ATP6V0A2: variants seen among roughly 807,000 people sequenced by gnomAD.
ATP6V0A2 encodes V-type proton ATPase 116 kDa subunit a 2.
Under a neutral mutation model 104.4 loss-of-function variants are expected in ATP6V0A2, and 58 were observed. The ratio of observed to expected loss-of-function variants is 0.56; its 90% CI spans 0.45 to 0.69. The LOEUF (loss-of-function observed/expected upper bound fraction) is 0.69, where lower values mean the gene tolerates loss of function less well. Ranked by LOEUF, ATP6V0A2 falls within the 30% of genes least tolerant of loss-of-function variation. The pLI, the probability that ATP6V0A2 is intolerant of heterozygous loss-of-function variation, is 0.00. For synonymous variants in ATP6V0A2, 376 were observed against 397.9 expected (o/e 0.95, Z 0.65); for missense variants, 938 against 1,062.9 (o/e 0.88, Z 1.63).
chr12:123,735,049 C>T (rs1342596570), intron 7 of ATP6V0A2, among the ~76,000 whole-genome samples: 3 of 152,046 alleles, frequency 2.0e-5, no homozygotes, highest in East Asian at 1.9e-4. Context: ...GTCATTCCCT[C>T]GTGCAGTCTG....
chr12:123,751,254 A>G, intron 16 of ATP6V0A2, 25 bp downstream of exon 16: 1 of 1,614,116 alleles, frequency 6.2e-7, no homozygotes, highest in Non-Finnish European at 8.5e-7. Flanking sequence ...GGATGCATTT[A>G]CAACTGTGAG....
intron 6 of ATP6V0A2, among the ~76,000 whole-genome samples, chr12:123,729,842 T>C (rs1956483876): frequency 6.6e-6 from 1 of 151,810 alleles, no homozygotes; most frequent in Non-Finnish European, 1.5e-5. Flanking sequence ...TTAGATGGAG[T>C]CTCACCCTGT....
In ATP6V0A2 at chr12:123,737,067, C is replaced by G. The variant is rs1486158713; in HGVS notation, c.834C>G (p.His278Gln). ...CTGTTGTTCTTCCCCAGGTACTGCA[C>G]AAAACCGAGGACTATTTGAGGCAAG... ...TRIQDLYTVL[H>Q]KTEDYLRQVL... Residue 278 changes from histidine (H) to glutamine (Q), a missense_variant, in exon 9 of 20, where the codon CAC (histidine) becomes CAG (glutamine). Transcript: ENST00000330342. The G allele has an allele frequency of 2.5e-6, 4 of 1,614,186 alleles. No individual in the cohort carries two copies. The highest frequency in any genetic ancestry group is 2.7e-5 in the African/African-American group (2 of 75,036).
In ATP6V0A2 at chr12:123,748,696, A is replaced by G. The variant is rs1593915111; in HGVS notation, c.1846A>G (p.Thr616Ala). The change falls in exon 15 of 20, where the codon ACC becomes GCC. Residue 616 changes from threonine to alanine, a missense_variant. Transcript: ENST00000330342. ...CAAGTGGCTGGTTTTTTCAGCAGAA[A>G]CCTCCAGAGTTGCTCCCAGCATTCT... ...FYKWLVFSAE[T>A]SRVAPSILIE... 12 of 1,613,706 alleles carry G rather than the reference A, an allele frequency of 7.4e-6. No homozygotes were observed. Among genetic ancestry groups the G allele is most frequent in the African/African-American group, 1.3e-5 (1 of 74,844 alleles).
chr12:123,742,253 T>A (rs7308398), intron 9 of ATP6V0A2, among the ~76,000 whole-genome samples: 90,440 of 152,078 alleles, frequency 0.59, 27,618 homozygotes, highest in East Asian at 0.95. Flanking sequence ...CCCAGGGAGG[T>A]TCTTTCTGGC....
Position 123,726,169 on chromosome 12 carries a change from A to G in ATP6V0A2, c.433-28A>G, listed in dbSNP as rs143272586. ...AATAAAGTGTCACTTTTAATGAGAC[A>G]CACTTGGTTTCATATGTTTATTTCT... On this transcript the variant is annotated intron_variant, in intron 4 of 19. Coordinates refer to ENST00000330342, the MANE Select transcript of ATP6V0A2 (RefSeq NM_012463.4). The G allele has an allele frequency of 1.3e-4, 201 of 1,520,462 alleles. No individual in the cohort carries two copies. The African/African-American group carries it at 2.4e-3, about 18-fold the overall frequency. The allele number at this position is 1,520,462 out of a possible 1,614,324, so 94.2% of individuals were successfully genotyped here. A position where few individuals can be genotyped will look rare whatever the true frequency, so the allele number is the denominator to read the frequency against.
Position 123,741,201 on chromosome 12 carries a change from C to T in ATP6V0A2, c.1039-2584C>T, listed in dbSNP as rs192947538. Among the ~76,000 whole-genome samples, 37 of 152,178 alleles carry T rather than the reference C, an allele frequency of 2.4e-4. No homozygotes were observed. In the East Asian group the frequency reaches 5.6e-3, roughly 23 times the overall value. ...AATCCCAGCACTCTGGAGGCTGAGG[C>T]GGGCGGATCACTTGAGTCCAGGAGT... On this transcript the variant is annotated intron_variant, in intron 9 of 19. Transcript: ENST00000330342.
chr12:123,737,813 A>G (rs1044540911), intron 9 of ATP6V0A2: 3 of 160,990 alleles, frequency 1.9e-5, no homozygotes, highest in Non-Finnish European at 4.1e-5. Context: ...ATAGGAGTAG[A>G]TATTATTTTT....
chr12:123,734,759 T>A (rs1956534753), intron 7 of ATP6V0A2, among the ~76,000 whole-genome samples: 1 of 152,198 alleles, frequency 6.6e-6, no homozygotes, highest in Non-Finnish European at 1.5e-5. Context: ...GGTTTGGGCA[T>A]TTTCTGTTTA....
At chr12:123,748,396 C>T (rs547990344) in intron 14 of ATP6V0A2, among the ~76,000 whole-genome samples, 179 bp from the exon 15 acceptor site, 3 of 152,288 alleles carry the variant, frequency 2.0e-5, no homozygotes, top group Non-Finnish European at 2.9e-5. Flanking sequence ...TAGTTTTGGC[C>T]GACCTCACGT....
At chr12:123,738,250 A>T (rs1956574877) in intron 9 of ATP6V0A2, among the ~76,000 whole-genome samples, 1 of 152,150 alleles carries the variant, frequency 6.6e-6, no homozygotes, top group Non-Finnish European at 1.5e-5. Flanking sequence ...TAAAAATACA[A>T]AATTAGCTGG....
chr12:123,741,261 T>A (rs1437199436), intron 9 of ATP6V0A2, among the ~76,000 whole-genome samples: 1 of 151,992 alleles, frequency 6.6e-6, no homozygotes, highest in Admixed American at 6.6e-5. Flanking sequence ...CGAGACCCTG[T>A]CTCTACTAAA....
chr12:123,712,509 G>A lies in ATP6V0A2; in HGVS notation c.-57G>A. 1.5e-6 allele frequency: 2 copies of A among 1,328,596 alleles called. No individual in the cohort carries two copies. The highest frequency in any genetic ancestry group is 2.0e-6 in the Non-Finnish European group (2 of 976,470). The allele number at this position is 1,328,596 out of a possible 1,614,324, so 82.3% of individuals were successfully genotyped here. On this transcript the variant is annotated 5_prime_UTR_variant, in exon 1 of 20. Transcript: ENST00000330342. ...CCGCACCGGCTGAGTGTGCGGGCCCGCGCGGCTCGGAGCCGCCGCCGCCCA... is the reference window on the plus strand; with the variant it reads ...CCGCACCGGCTGAGTGTGCGGGCCCACGCGGCTCGGAGCCGCCGCCGCCCA...
rs374221951 is a variant in ATP6V0A2, at chr12:123,756,880, G to A, written c.2359G>A (p.Val787Ile). 1.2e-5 allele frequency: 20 copies of A among 1,614,080 alleles called. No individual in the cohort carries two copies. Among genetic ancestry groups the A allele is most frequent in the Admixed American group, 1.7e-5 (1 of 60,008 alleles). The change falls in exon 19 of 20, where the codon GTC (valine) becomes ATC (isoleucine). Residue 787 changes from valine (V) to isoleucine (I), a missense_variant. Physicochemically the swap from Val to Ile is conservative, Grantham distance 29. Coordinates refer to ENST00000330342, the MANE Select transcript of ATP6V0A2 (RefSeq NM_012463.4). The part of the protein sequence containing the change: ...VGLRVDTTYG[V>I]LLLLPVIALF... ...CCTCCGCGTTGACACCACCTATGGC[G>A]TCTTGCTACTGCTCCCGGTTATCGC...
intron 1 of ATP6V0A2, among the ~76,000 whole-genome samples, chr12:123,714,960 G>A (rs1279719767): frequency 2.0e-5 from 3 of 152,096 alleles, no homozygotes; most frequent in Admixed American, 6.5e-5. Context: ...TGTGCCTGTA[G>A]TCCTAGCTAC....
intron 1 of ATP6V0A2, among the ~76,000 whole-genome samples, chr12:123,714,706 T>C (rs1400342160): frequency 6.6e-6 from 1 of 152,092 alleles, no homozygotes; most frequent in Admixed American, 6.6e-5. Flanking sequence ...ATGTACCTTA[T>C]TCCATTAGCC....
intron 6 of ATP6V0A2, among the ~76,000 whole-genome samples, chr12:123,728,728 A>G (rs1163176759): frequency 6.6e-6 from 1 of 152,196 alleles, no homozygotes; most frequent in Non-Finnish European, 1.5e-5. Context: ...GTGAGGCTGC[A>G]TTCTTCTCAT....
chr12:123,752,590 AG>A (rs1316305633), intron 17 of ATP6V0A2, among the ~76,000 whole-genome samples, 188 bp downstream of exon 17: 1 of 152,166 alleles, frequency 6.6e-6, no homozygotes, highest in Non-Finnish European at 1.5e-5. Context: ...GCATTATATG[AG>A]TTCGGGTCAT....
intron 6 of ATP6V0A2, among the ~76,000 whole-genome samples, chr12:123,729,365 T>G (rs1242265373): frequency 6.7e-6 from 1 of 149,198 alleles, no homozygotes; most frequent in Non-Finnish European, 1.5e-5. Context: ...GAAGCCAAGA[T>G]GTGGCTTCTG....
Sources: allele counts gnomAD v4.1 joint callset (sites outside exome capture counted in the v4.1 genomes callset), GRCh38; gene constraint gnomAD v4.1.1; transcripts MANE v1.5; gene names NCBI Gene and HGNC (gene_info 2026-07-23, HGNC 2026-07-21).